Variants in USH2A observed in about 807,000 individuals in gnomAD.
USH2A encodes usherin, also known as Usher syndrome 2A (autosomal recessive, mild).
USH2A carries 443 observed loss-of-function variants against 538.9 expected under a neutral mutation model. The ratio of observed to expected loss-of-function variants is 0.82; its 90% CI spans 0.76 to 0.89. The LOEUF is 0.89. Among genes scored for constraint, USH2A ranks in the 40% least tolerant of loss-of-function variants. The pLI is 0.00. For missense variants in USH2A, 6,633 were observed against 6,324.8 expected (o/e 1.05, Z -1.65); for synonymous variants, 2,413 against 2,273.5 (o/e 1.06, Z -1.75).
At chr1:216,399,486 C>A (rs1453042767) in intron 3 of USH2A, among the ~76,000 whole-genome samples, 2 of 152,076 alleles carry the variant, frequency 1.3e-5, no homozygotes, top group African/African-American at 2.4e-5. Flanking sequence ...GTGAATTGGA[C>A]CCAGTTCACA....
chr1:215,805,984 CAAAAAAAAAA>C (rs57712355), intron 49 of USH2A, among the ~76,000 whole-genome samples: 1 of 93,514 alleles, frequency 1.1e-5, no homozygotes, highest in Non-Finnish European at 2.5e-5. Context: ...AAGACACAAT[CAAAAAAAAAA>C]AAAAAAAAGG....
chr1:215,863,912 G>C (rs1369381179), intron 44 of USH2A, among the ~76,000 whole-genome samples: 1 of 152,190 alleles, frequency 6.6e-6, no homozygotes, highest in Non-Finnish European at 1.5e-5. Context: ...ATGAACATCT[G>C]AAGGTTGGGG....
chr1:216,005,652 T>C (rs571719071), intron 32 of USH2A, among the ~76,000 whole-genome samples: 2 of 152,206 alleles, frequency 1.3e-5, no homozygotes, highest in African/African-American at 2.4e-5. Context: ...GTTGGGCCAA[T>C]GTAGGGGTCT....
intron 61 of USH2A, among the ~76,000 whole-genome samples, chr1:215,705,486 A>C (rs1343916841): frequency 1.3e-5 from 2 of 152,360 alleles, no homozygotes; most frequent in East Asian, 3.9e-4. Flanking sequence ...TGCCATCTAC[A>C]GTGATTATAA....
chr1:216,195,804 T>C (rs1387180061), intron 19 of USH2A: 1 of 167,222 alleles, frequency 6.0e-6, no homozygotes, highest in Non-Finnish European at 1.5e-5. Context: ...ACTTGTTCGG[T>C]TGACATCCTT....
intron 21 of USH2A, among the ~76,000 whole-genome samples, chr1:216,128,815 A>T (rs1030670555): frequency 1.3e-5 from 2 of 152,014 alleles, no homozygotes; most frequent in African/African-American, 4.8e-5. Flanking sequence ...TTATAGTCAC[A>T]CTATTTTGTT....
At chr1:216,415,533 T>TC (rs1178600726) in intron 3 of USH2A, among the ~76,000 whole-genome samples, 3 of 96,664 alleles carry the variant, frequency 3.1e-5, no homozygotes, top group Admixed American at 1.3e-4. Context: ...TTTTTTTTTT[T>TC]CAGACAGGAT....
At chr1:216,410,247 G>A (rs1164527853) in intron 3 of USH2A, among the ~76,000 whole-genome samples, 1 of 152,130 alleles carries the variant, frequency 6.6e-6, no homozygotes, top group Non-Finnish European at 1.5e-5. Flanking sequence ...ATAGGCTGAT[G>A]TTGGGAGTGT....
chr1:216,051,367 A>G (rs977534705), intron 30 of USH2A, among the ~76,000 whole-genome samples: 11 of 152,204 alleles, frequency 7.2e-5, no homozygotes, highest in Non-Finnish European at 1.3e-4. Flanking sequence ...TGCCTCCACC[A>G]CGATACCCAA....
At chr1:216,355,688 A>G (rs930575469) in intron 4 of USH2A, among the ~76,000 whole-genome samples, 1 of 152,124 alleles carries the variant, frequency 6.6e-6, no homozygotes, top group South Asian at 2.1e-4. Context: ...ACTAGAAAGG[A>G]CAGATCTTTA....
intron 3 of USH2A, among the ~76,000 whole-genome samples, chr1:216,373,250 G>A (rs542567273): frequency 7.9e-5 from 12 of 152,130 alleles, no homozygotes; most frequent in Non-Finnish European, 1.3e-4. Flanking sequence ...TACTTTCAAT[G>A]AAAGGAGGCA....
At chr1:215,792,258 C>G (rs1662003107) in intron 50 of USH2A, among the ~76,000 whole-genome samples, 1 of 152,156 alleles carries the variant, frequency 6.6e-6, no homozygotes, top group Non-Finnish European at 1.5e-5. Context: ...TGATAATGAA[C>G]TGTTTTTAAA....
At chr1:215,689,355 G>A (rs1238942724) in intron 61 of USH2A, among the ~76,000 whole-genome samples, 4 of 152,100 alleles carry the variant, frequency 2.6e-5, no homozygotes, top group African/African-American at 9.7e-5. Context: ...GTCTCCATAT[G>A]ATCTCTTGAT....
chr1:215,794,891 C>T (rs1481908858), intron 50 of USH2A, among the ~76,000 whole-genome samples: 3 of 152,148 alleles, frequency 2.0e-5, no homozygotes, highest in African/African-American at 7.2e-5. Context: ...ATTCCATGCA[C>T]TATTATTCAG....
intron 21 of USH2A, among the ~76,000 whole-genome samples, chr1:216,143,948 A>C (rs1351540936): frequency 6.6e-6 from 1 of 152,188 alleles, no homozygotes; most frequent in Non-Finnish European, 1.5e-5. Flanking sequence ...CGTTTTGACT[A>C]TCAAAATACA....
intron 5 of USH2A, among the ~76,000 whole-genome samples, chr1:216,327,055 G>T (rs2037748304): frequency 6.6e-6 from 1 of 152,092 alleles, no homozygotes; most frequent in South Asian, 2.1e-4. Context: ...ATTAAAGCTA[G>T]CCTGAGTCTA....
At chr1:215,956,706 G>C (rs889693598) in intron 37 of USH2A, among the ~76,000 whole-genome samples, 12 of 152,138 alleles carry the variant, frequency 7.9e-5, no homozygotes, top group African/African-American at 2.9e-4. Flanking sequence ...CAACAGCATA[G>C]AGTATGCACT....
intron 21 of USH2A, among the ~76,000 whole-genome samples, chr1:216,129,273 T>C (rs1280191270): frequency 1.3e-5 from 2 of 152,070 alleles, no homozygotes; most frequent in Non-Finnish European, 2.9e-5. Context: ...TACCCAGCAG[T>C]GGGATTGCTG....
intron 16 of USH2A, among the ~76,000 whole-genome samples, chr1:216,201,987 CTGTGGCTCAT>C (rs1409196958): frequency 6.6e-6 from 1 of 152,158 alleles, no homozygotes; most frequent in African/African-American, 2.4e-5. Flanking sequence ...GAGCGTGCAG[CTGTGGCTCAT>C]TGTTATTTCA....
Sources: gnomAD v4.1 joint callset for allele counts (sites outside exome capture counted in the v4.1 genomes callset) on GRCh38, gnomAD v4.1.1 for gene constraint, MANE v1.5 for transcripts, NCBI Gene and HGNC (gene_info 2026-07-23, HGNC 2026-07-21) for gene names.